Variants in APP observed in about 807,000 individuals in gnomAD.
The protein encoded by APP is amyloid-beta precursor protein.
In APP, 31 loss-of-function variants were observed where a neutral mutation model predicts 101.4. The ratio of observed to expected loss-of-function variants is 0.31; its 90% CI spans 0.23 to 0.41. The LOEUF (loss-of-function observed/expected upper bound fraction) is 0.41. Ranked by LOEUF, APP falls within the 10% of genes least tolerant of loss-of-function variation. APP has a pLI of 1.00. For missense variants in APP, 839 were observed against 1,003.7 expected (o/e 0.84, Z 2.22); for synonymous variants, 366 against 364.4 (o/e 1.00, Z -0.05).
Position 25,982,455 on chromosome 21 carries a change from G to A in APP, c.1113C>T (p.Thr371=), listed in dbSNP as rs1476501803. Residue 371 remains threonine (T), a synonymous_variant, in exon 9 of 18, where the codon ACC becomes ACT. Transcript: ENST00000346798. The part of the protein sequence containing the change: ...PVKLPTTAAS[T]PDAVDKYLET... The stretch of plus-strand genomic sequence containing the variant: ...CGAGATACTTGTCAACGGCATCAGG[G>A]GTACTGGCTGCTGTTGTAGGAACTA... 4 of 1,613,770 alleles carry A rather than the reference G, an allele frequency of 2.5e-6. No homozygotes were observed. In the South Asian group the frequency reaches 4.4e-5, roughly 18 times the overall value.
chr21:26,064,352 T>C (rs1174066427), intron 3 of APP, among the ~76,000 whole-genome samples: 21 of 152,364 alleles, frequency 1.4e-4, no homozygotes, highest in South Asian at 6.2e-4. Context: ...GCAAAGCCTA[T>C]GGGAACTCTC....
At chr21:25,897,551 A>G in intron 16 of APP, 22 bp downstream of exon 16, 1 of 1,557,392 alleles carries the variant, frequency 6.4e-7, no homozygotes, top group South Asian at 1.1e-5. Context: ...AGTAGTGGAA[A>G]GAGGTAAATT....
intron 8 of APP, among the ~76,000 whole-genome samples, chr21:25,989,856 T>G (rs2042787839): frequency 6.6e-6 from 1 of 152,144 alleles, no homozygotes; most frequent in South Asian, 2.1e-4. Flanking sequence ...TGTGAAACTT[T>G]AATCTTGAAA....
intron 9 of APP, among the ~76,000 whole-genome samples, chr21:25,980,189 G>A (rs1346802912): frequency 6.6e-6 from 1 of 152,218 alleles, no homozygotes; most frequent in African/African-American, 2.4e-5. Context: ...TGAGAAGGAA[G>A]AGGTGGTAGG....
At chr21:26,123,778 T>C (rs558694700) in intron 1 of APP, among the ~76,000 whole-genome samples, 1 of 152,302 alleles carries the variant, frequency 6.6e-6, no homozygotes, top group Admixed American at 6.5e-5. Flanking sequence ...GCAGTCTTAC[T>C]CTTGGATGTA....
intron 5 of APP, among the ~76,000 whole-genome samples, chr21:26,029,699 G>C (rs1439920976): frequency 1.3e-5 from 2 of 152,186 alleles, no homozygotes; most frequent in Admixed American, 6.5e-5. Flanking sequence ...CAGTGGCACA[G>C]AGCAGGTCTT....
intron 5 of APP, among the ~76,000 whole-genome samples, chr21:26,040,542 C>T (rs1327831749): frequency 2.7e-5 from 4 of 150,376 alleles, no homozygotes; most frequent in African/African-American, 7.3e-5. Flanking sequence ...GCAGAGGTTG[C>T]AGTGAGCCCA....
intron 1 of APP, among the ~76,000 whole-genome samples, chr21:26,123,022 T>C (rs1444875090): frequency 6.6e-6 from 1 of 152,172 alleles, no homozygotes; most frequent in Non-Finnish European, 1.5e-5. Flanking sequence ...AAGTATATTA[T>C]ATAAGAATCC....
chr21:26,105,585 T>C (rs1456022805), intron 2 of APP, among the ~76,000 whole-genome samples: 1 of 150,784 alleles, frequency 6.6e-6, no homozygotes, highest in Non-Finnish European at 1.5e-5. Context: ...AGCCTACAAA[T>C]GAGAACTATT....
intron 6 of APP, among the ~76,000 whole-genome samples, chr21:26,003,939 C>T (rs148344904): frequency 6.6e-6 from 1 of 152,314 alleles, no homozygotes; most frequent in East Asian, 1.9e-4. Flanking sequence ...TCCTACTCTA[C>T]TACAGGGAAA....
chr21:26,101,637 A>G (rs2062060434), intron 2 of APP, among the ~76,000 whole-genome samples: 1 of 152,148 alleles, frequency 6.6e-6, no homozygotes, highest in African/African-American at 2.4e-5. Context: ...GAGGGGATGG[A>G]CAGGATGATC....
chr21:25,916,743 T>C (rs1052881240), intron 13 of APP, among the ~76,000 whole-genome samples: 2 of 152,216 alleles, frequency 1.3e-5, no homozygotes, highest in Non-Finnish European at 2.9e-5. Flanking sequence ...CAAGACTTAT[T>C]TTTTCCCCTT....
chr21:26,031,496 C>T (rs1188866367), intron 5 of APP, among the ~76,000 whole-genome samples: 3 of 152,170 alleles, frequency 2.0e-5, no homozygotes, highest in Non-Finnish European at 4.4e-5. Context: ...TACAGTTCCA[C>T]ATGGCTGGGG....
At chr21:26,154,163 A>G (rs2063330871) in intron 1 of APP, among the ~76,000 whole-genome samples, 1 of 152,210 alleles carries the variant, frequency 6.6e-6, no homozygotes, top group Non-Finnish European at 1.5e-5. Context: ...AACTATGGGC[A>G]CACACACAAT....
chr21:26,086,972 G>A (rs1036791104), intron 3 of APP, among the ~76,000 whole-genome samples: 5 of 152,210 alleles, frequency 3.3e-5, no homozygotes, highest in Admixed American at 1.3e-4. Flanking sequence ...TATAGCCTGT[G>A]AAGAGAGACG....
chr21:25,918,015 TAA>T (rs1009895581), intron 13 of APP, among the ~76,000 whole-genome samples: 1 of 151,922 alleles, frequency 6.6e-6, no homozygotes, highest in Admixed American at 6.6e-5. Flanking sequence ...TGGTGATCAT[TAA>T]AAAGTCTGGC....
chr21:25,964,996 T>A (rs1018597344), intron 11 of APP, among the ~76,000 whole-genome samples: 3 of 152,212 alleles, frequency 2.0e-5, no homozygotes, highest in African/African-American at 7.2e-5. Context: ...ACCACAGTCA[T>A]AAATTAGTGA....
At chr21:25,968,854 T>C (rs2041895764) in intron 11 of APP, among the ~76,000 whole-genome samples, 1 of 152,178 alleles carries the variant, frequency 6.6e-6, no homozygotes, top group Non-Finnish European at 1.5e-5. Flanking sequence ...ATCTACAGAA[T>C]CTATGGAAAC....
At chr21:26,090,109 A>G (rs1601432291) in intron 2 of APP, 37 bp from the exon 3 acceptor site, 1 of 1,612,930 alleles carries the variant, frequency 6.2e-7, no homozygotes, top group South Asian at 1.1e-5. Context: ...TTGTTACTTG[A>G]GGCAGGGGCT....
Sources: allele counts gnomAD v4.1 joint callset (sites outside exome capture counted in the v4.1 genomes callset), GRCh38; gene constraint gnomAD v4.1.1; transcripts MANE v1.5; gene names NCBI Gene and HGNC (gene_info 2026-07-23, HGNC 2026-07-21).